STK3: variants seen among roughly 807,000 people sequenced by gnomAD.
The protein encoded by STK3 is serine/threonine-protein kinase 3.
Under a neutral mutation model 58.0 loss-of-function variants are expected in STK3, and 41 were observed. The observed-to-expected ratio is 0.71, with a 90% CI of 0.55 to 0.92. The LOEUF is 0.92. Among genes scored for constraint, STK3 ranks in the 40% least tolerant of loss-of-function variants. STK3 has a pLI of 0.00. For missense variants in STK3, 479 were observed against 602.7 expected (o/e 0.79, Z 2.15); for synonymous variants, 170 against 191.0 (o/e 0.89, Z 0.91).
At chr8:98,662,642 A>T (rs1441981600) in intron 6 of STK3, among the ~76,000 whole-genome samples, 3 of 152,164 alleles carry the variant, frequency 2.0e-5, no homozygotes, top group African/African-American at 7.2e-5. Context: ...AACAGACCTA[A>T]AAATGTATAA....
At chr8:98,713,082 C>A (rs906810022) in intron 4 of STK3, among the ~76,000 whole-genome samples, 4 of 152,076 alleles carry the variant, frequency 2.6e-5, no homozygotes, top group African/African-American at 2.4e-5. Flanking sequence ...TTCTTTGAAA[C>A]CAACAAGAAC....
intron 4 of STK3, among the ~76,000 whole-genome samples, chr8:98,724,280 G>C (rs1057049791): frequency 2.0e-5 from 3 of 152,050 alleles, no homozygotes; most frequent in Non-Finnish European, 4.4e-5. Flanking sequence ...TGCCAGCCTC[G>C]ACCATCTACC....
chr8:98,370,936 G>A (rs558849049), downstream of STK3, among the ~76,000 whole-genome samples: 3 of 152,086 alleles, frequency 2.0e-5, no homozygotes, highest in African/African-American at 7.2e-5. Flanking sequence ...AAAATGTAGG[G>A]GTATTATATG....
chr8:98,777,244 T>C (rs1831753197), intron 1 of STK3, among the ~76,000 whole-genome samples: 1 of 151,960 alleles, frequency 6.6e-6, no homozygotes, highest in African/African-American at 2.4e-5. Context: ...ATAGCAGAAA[T>C]GGGCTGGGCA....
At chr8:98,716,966 G>A (rs890149038) in intron 4 of STK3, among the ~76,000 whole-genome samples, 3 of 152,098 alleles carry the variant, frequency 2.0e-5, no homozygotes, top group East Asian at 1.9e-4. Flanking sequence ...CTGGATATCC[G>A]TGTGCTAAAG....
chr8:98,355,355 T>C, the STK3 span, among the ~76,000 whole-genome samples: 1 of 152,346 alleles, frequency 6.6e-6, no homozygotes, highest in Admixed American at 6.5e-5. Context: ...TGGCAGAAAA[T>C]GGCTTTGCCC....
intron 9 of STK3, 52 bp from the exon 10 acceptor site, chr8:98,526,969 G>T: frequency 7.4e-7 from 1 of 1,343,556 alleles, no homozygotes; most frequent in Admixed American, 2.8e-5. Flanking sequence ...ATTTAAGGAA[G>T]TATTTTCTTT....
chr8:98,631,660 G>GTTT (rs112982323), intron 6 of STK3, among the ~76,000 whole-genome samples: 1 of 151,464 alleles, frequency 6.6e-6, no homozygotes, highest in Admixed American at 6.6e-5. Context: ...TATAGTTTTC[G>GTTT]TTTTTTTGTG....
chr8:98,474,939 T>C (rs1427326430), intron 10 of STK3, among the ~76,000 whole-genome samples: 1 of 152,212 alleles, frequency 6.6e-6, no homozygotes, highest in Non-Finnish European at 1.5e-5. Context: ...ATCCAATCTG[T>C]CACCCATTAA....
chr8:98,748,612 C>A (rs1829784058), intron 4 of STK3, among the ~76,000 whole-genome samples: 1 of 151,658 alleles, frequency 6.6e-6, no homozygotes, highest in Non-Finnish European at 1.5e-5. Flanking sequence ...TCTTCCTATT[C>A]AAGAAAAAAA....
chr8:98,866,094 C>G (rs1048519788), intron 3 of STK3, among the ~76,000 whole-genome samples: 4 of 152,254 alleles, frequency 2.6e-5, no homozygotes, highest in Admixed American at 2.6e-4. Context: ...CCATCATGCT[C>G]AGATCTCTCA....
intron 9 of STK3, among the ~76,000 whole-genome samples, chr8:98,541,200 C>T (rs1441709533): frequency 6.6e-6 from 1 of 152,104 alleles, no homozygotes; most frequent in East Asian, 1.9e-4. Context: ...CTCTATGCCC[C>T]CACCTAAATC....
chr8:98,780,249 C>T (rs964320433), intron 1 of STK3, among the ~76,000 whole-genome samples: 34 of 151,980 alleles, frequency 2.2e-4, no homozygotes, highest in African/African-American at 8.2e-4. Context: ...CTAATTTATT[C>T]TCCAACAAGT....
At chr8:98,698,391 T>C (rs1291037262) in intron 6 of STK3, among the ~76,000 whole-genome samples, 2 of 152,274 alleles carry the variant, frequency 1.3e-5, no homozygotes, top group East Asian at 3.9e-4. Context: ...TATGTGTGAA[T>C]TTGATCCTGT....
intron 3 of STK3, among the ~76,000 whole-genome samples, chr8:98,870,256 G>T (rs533492544): frequency 6.6e-6 from 1 of 152,270 alleles, no homozygotes; most frequent in African/African-American, 2.4e-5. Flanking sequence ...TGGACATTTG[G>T]GTTGGTTCCA....
At chr8:98,842,419 T>C (rs1240737514) in intron 3 of STK3, among the ~76,000 whole-genome samples, 1 of 152,186 alleles carries the variant, frequency 6.6e-6, no homozygotes, top group Non-Finnish European at 1.5e-5. Context: ...CTTACACCTA[T>C]AATCCCAACA....
At chr8:98,555,297 G>C (rs1811507566) in intron 8 of STK3, among the ~76,000 whole-genome samples, 1 of 151,986 alleles carries the variant, frequency 6.6e-6, no homozygotes, top group Admixed American at 6.6e-5. Flanking sequence ...ACTGAATTAA[G>C]GATAAAAAGT....
At chr8:98,706,445 C>T (rs1825967280) in intron 6 of STK3, 22 bp downstream of exon 6, 1 of 1,594,230 alleles carries the variant, frequency 6.3e-7, no homozygotes, top group Admixed American at 1.8e-5. Flanking sequence ...CTAACATTTT[C>T]AGCAAACCAT....
At chr8:98,747,718 CAG>C (rs1402391316) in intron 4 of STK3, among the ~76,000 whole-genome samples, 4 of 152,194 alleles carry the variant, frequency 2.6e-5, no homozygotes, top group Admixed American at 2.6e-4. Context: ...AGGCAACACT[CAG>C]AAACAATATA....
Sources: gnomAD v4.1 joint callset for allele counts (sites outside exome capture counted in the v4.1 genomes callset) on GRCh38, gnomAD v4.1.1 for gene constraint, MANE v1.5 for transcripts, NCBI Gene and HGNC (gene_info 2026-07-23, HGNC 2026-07-21) for gene names.